The following PRKD1 variants were observed in gnomAD, a reference collection of about 807,000 sequenced individuals.
The protein encoded by PRKD1 is serine/threonine-protein kinase D1.
Under a neutral mutation model 95.9 loss-of-function variants are expected in PRKD1, and 63 were observed. The ratio of observed to expected loss-of-function variants is 0.66; its 90% CI spans 0.54 to 0.81. The LOEUF is 0.81. PRKD1 is among the 30% of genes least tolerant of loss of function. The probability of loss-of-function intolerance (pLI) is 0.00; values close to 1 mark genes in which losing one functional copy is unlikely to be tolerated. For synonymous variants in PRKD1, 425 were observed against 423.1 expected (o/e 1.00, Z -0.05); for missense variants, 1,048 against 1,165.3 (o/e 0.90, Z 1.47).
intron 1 of PRKD1, among the ~76,000 whole-genome samples, chr14:29,872,665 A>G (rs1893152199): frequency 6.6e-6 from 1 of 151,794 alleles, no homozygotes; most frequent in South Asian, 2.1e-4. Context: ...CTAAAAAAAA[A>G]AAAAAAGAAA....
intron 1 of PRKD1, among the ~76,000 whole-genome samples, chr14:29,822,061 T>C (rs772448761): frequency 3.9e-5 from 6 of 152,192 alleles, no homozygotes; most frequent in Non-Finnish European, 7.3e-5. Context: ...TGAACCAATT[T>C]GTTTCATATT....
At chr14:29,735,384 A>G (rs190816786) in intron 1 of PRKD1, among the ~76,000 whole-genome samples, 105 of 152,328 alleles carry the variant, frequency 6.9e-4, no homozygotes, top group South Asian at 1.9e-3. Flanking sequence ...ACTTATTAAA[A>G]TGCAGGACTG....
intron 1 of PRKD1, among the ~76,000 whole-genome samples, chr14:29,901,537 A>T (rs1799167602): frequency 6.6e-6 from 1 of 152,226 alleles, no homozygotes; most frequent in Admixed American, 6.5e-5. Context: ...CAATAGTAGA[A>T]AATGTCAAAC....
Position 29,630,836 on chromosome 14 carries a change from T to C in PRKD1, c.1578A>G (p.Ala526=), listed in dbSNP as rs766394391. ...CTATCTCCCACATCCTGGCCACATCTGCACCAACGCCACTGGTGAGAACAC... is the reference window on the plus strand; with the variant it reads ...CTATCTCCCACATCCTGGCCACATCCGCACCAACGCCACTGGTGAGAACAC... ...NNSVLTSGVG[A]DVARMWEIAI... is the part of the protein sequence containing the mutation. The change falls in exon 10 of 18, where the codon GCA becomes GCG. Residue 526 remains alanine (A), a synonymous_variant. Transcript: ENST00000331968. 4.0e-5 allele frequency: 65 copies of C among 1,614,042 alleles called. No homozygotes were observed. In the Admixed American group the frequency reaches 1.1e-3, roughly 26 times the overall value.
chr14:29,626,571 C>T lies in PRKD1; in HGVS notation c.1726-15G>A. The T allele has an allele frequency of 6.5e-7, 1 of 1,544,124 alleles. No individual in the cohort carries two copies. The highest frequency in any genetic ancestry group is 8.7e-7 in the Non-Finnish European group (1 of 1,144,962). On this transcript the variant is annotated splice_polypyrimidine_tract_variant and intron_variant, in intron 11 of 17. Transcript: ENST00000331968. ...GTGCTGATGTCCTAGAGGTACAAGCCCAATGAAAAAAAAACATGAAGCAGA... is the reference window on the plus strand; with the variant it reads ...GTGCTGATGTCCTAGAGGTACAAGCTCAATGAAAAAAAAACATGAAGCAGA...
intron 2 of PRKD1, among the ~76,000 whole-genome samples, chr14:29,679,999 A>AG (rs1311262330): frequency 6.6e-6 from 1 of 152,140 alleles, no homozygotes; most frequent in African/African-American, 2.4e-5. Flanking sequence ...GTGGGAAGTG[A>AG]GGGGTACTGA....
chr14:29,854,832 G>T (rs1892436489), intron 1 of PRKD1, among the ~76,000 whole-genome samples: 2 of 152,182 alleles, frequency 1.3e-5, no homozygotes, highest in Admixed American at 1.3e-4. Context: ...CTGCATCCCA[G>T]CCACTCCAGC....
intron 1 of PRKD1, among the ~76,000 whole-genome samples, chr14:29,736,234 G>A (rs1418210377): frequency 1.3e-5 from 2 of 152,144 alleles, no homozygotes; most frequent in African/African-American, 4.8e-5. Flanking sequence ...TTTATTACTG[G>A]ATAAAAATAT....
chr14:29,635,615 T>C (rs1437001239), intron 7 of PRKD1, among the ~76,000 whole-genome samples: 2 of 152,210 alleles, frequency 1.3e-5, no homozygotes, highest in Non-Finnish European at 2.9e-5. Context: ...AAACATTTTC[T>C]GTAAAGGGCC....
intron 1 of PRKD1, among the ~76,000 whole-genome samples, chr14:29,792,168 A>G (rs1889576327): frequency 6.6e-6 from 1 of 152,168 alleles, no homozygotes; most frequent in South Asian, 2.1e-4. Flanking sequence ...CAAAGTACAC[A>G]AAATCGTGTT....
At chr14:29,722,841 G>A (rs180928979) in intron 2 of PRKD1, among the ~76,000 whole-genome samples, 72 of 152,294 alleles carry the variant, frequency 4.7e-4, no homozygotes, top group African/African-American at 1.6e-3. Flanking sequence ...AAAGTGTGGT[G>A]TAAGACATGA....
chr14:29,736,122 C>A (rs1297831646), intron 1 of PRKD1, among the ~76,000 whole-genome samples: 1 of 152,122 alleles, frequency 6.6e-6, no homozygotes, highest in Non-Finnish European at 1.5e-5. Flanking sequence ...GGTTGTAGAC[C>A]CCTACGAAGT....
intron 1 of PRKD1, among the ~76,000 whole-genome samples, chr14:29,859,391 G>A (rs1251729748): frequency 4.6e-5 from 7 of 151,940 alleles, no homozygotes; most frequent in African/African-American, 7.3e-5. Flanking sequence ...GGTGGATCAC[G>A]AGGTCAGGAG....
intron 2 of PRKD1, among the ~76,000 whole-genome samples, chr14:29,691,850 A>G (rs765995006): frequency 7.9e-5 from 12 of 152,132 alleles, no homozygotes; most frequent in Non-Finnish European, 7.4e-5. Flanking sequence ...ACCATATCAC[A>G]AACTTTGAAG....
intron 2 of PRKD1, among the ~76,000 whole-genome samples, chr14:29,722,465 A>C (rs962625483): frequency 1.3e-5 from 2 of 152,230 alleles, no homozygotes; most frequent in Non-Finnish European, 2.9e-5. Flanking sequence ...CATAGCAAGA[A>C]GACTTGAAGT....
chr14:29,764,717 G>A (rs538686332), intron 1 of PRKD1, among the ~76,000 whole-genome samples: 88 of 152,198 alleles, frequency 5.8e-4, no homozygotes, highest in Non-Finnish European at 7.1e-4. Context: ...ATATCCTAAA[G>A]GCCACACCTC....
intron 1 of PRKD1, among the ~76,000 whole-genome samples, chr14:29,843,299 T>TGA (rs1387809125): frequency 6.6e-6 from 1 of 152,226 alleles, no homozygotes; most frequent in Non-Finnish European, 1.5e-5. Context: ...GCTGACATCT[T>TGA]GATCTTGTAC....
Position 29,599,660 on chromosome 14 carries a change from G to C in PRKD1, c.2063C>G (p.Thr688Ser), listed in dbSNP as rs200676869. 5.0e-5 allele frequency: 80 copies of C among 1,608,304 alleles called. No homozygotes were observed. In the Middle Eastern group the frequency reaches 1.3e-3, roughly 27 times the overall value. Reference protein sequence around the residue: ...LPEHITKFLITQILVALRHLH... With the variant: ...LPEHITKFLISQILVALRHLH... The stretch of plus-strand genomic sequence containing the variant: ...CGTCTCTAATTGATTTCTTACCTGA[G>C]TAATTAAAAACTTCGTTATGTGCTC... Residue 688 changes from threonine (T) to serine (S), a missense_variant, in exon 14 of 18, where the codon ACT becomes AGT. Coordinates refer to ENST00000331968, the MANE Select transcript of PRKD1 (RefSeq NM_002742.3).
At chr14:29,858,014 T>G (rs1030050855) in intron 1 of PRKD1, among the ~76,000 whole-genome samples, 5 of 152,208 alleles carry the variant, frequency 3.3e-5, no homozygotes, top group Non-Finnish European at 5.9e-5. Flanking sequence ...AAATTTAACT[T>G]TAGTTGTTTA....
Sources: gnomAD v4.1 joint callset for allele counts (sites outside exome capture counted in the v4.1 genomes callset) on GRCh38, gnomAD v4.1.1 for gene constraint, MANE v1.5 for transcripts, NCBI Gene and HGNC (gene_info 2026-07-23, HGNC 2026-07-21) for gene names.